COL25A1: variants seen among roughly 807,000 people sequenced by gnomAD.
COL25A1 encodes collagen alpha-1(XXV) chain.
A neutral mutation model predicts 128.4 loss-of-function variants in COL25A1; 103 were observed. The ratio of observed to expected loss-of-function variants is 0.80; its 90% CI spans 0.68 to 0.94. COL25A1 has a LOEUF of 0.94. COL25A1 is among the 40% of genes least tolerant of loss of function. The pLI, the probability that COL25A1 is intolerant of heterozygous loss-of-function variation, is 0.00. For synonymous variants in COL25A1, 279 were observed against 277.2 expected (o/e 1.01, Z -0.06); for missense variants, 745 against 840.0 (o/e 0.89, Z 1.40).
intron 37 of COL25A1, 96 bp from the exon 38 acceptor site, chr4:108,814,025 C>A: frequency 1.0e-6 from 1 of 963,396 alleles, no homozygotes; most frequent in Non-Finnish European, 1.6e-6. Flanking sequence ...CTGGTAGAAC[C>A]TTGAATAGAG....
chr4:109,064,680 C>T (rs1476459483), intron 3 of COL25A1, among the ~76,000 whole-genome samples: 1 of 152,194 alleles, frequency 6.6e-6, no homozygotes, highest in African/African-American at 2.4e-5. Context: ...TTAAGTTCTA[C>T]AGAATATTAG....
chr4:109,152,661 C>A (rs909754612), intron 3 of COL25A1, among the ~76,000 whole-genome samples: 1 of 152,148 alleles, frequency 6.6e-6, no homozygotes, highest in Non-Finnish European at 1.5e-5. Flanking sequence ...GTGGTATATA[C>A]GTACAATGGA....
chr4:108,882,914 T>C (rs1333865429), intron 19 of COL25A1, among the ~76,000 whole-genome samples: 2 of 152,206 alleles, frequency 1.3e-5, no homozygotes, highest in East Asian at 3.9e-4. Flanking sequence ...ACATATTATA[T>C]GACCTCTGAG....
intron 3 of COL25A1, among the ~76,000 whole-genome samples, chr4:109,248,959 A>ATAAG (rs1472486997): frequency 2.0e-5 from 3 of 152,214 alleles, no homozygotes; most frequent in Non-Finnish European, 4.4e-5. Context: ...AATTAACTCC[A>ATAAG]TGGTTCATGG....
At chr4:108,975,950 G>A (rs1249869091) in intron 6 of COL25A1, among the ~76,000 whole-genome samples, 1 of 152,008 alleles carries the variant, frequency 6.6e-6, no homozygotes, top group Non-Finnish European at 1.5e-5. Context: ...TTTTGAATGA[G>A]TCTTTTGTCA....
intron 5 of COL25A1, among the ~76,000 whole-genome samples, chr4:109,024,172 T>C (rs573521709): frequency 6.6e-6 from 1 of 152,238 alleles, no homozygotes; most frequent in Non-Finnish European, 1.5e-5. Flanking sequence ...TAAAGTAAGC[T>C]AGGCTAAGCT....
intron 6 of COL25A1, among the ~76,000 whole-genome samples, chr4:108,992,011 G>A (rs866385631): frequency 1.3e-5 from 2 of 152,084 alleles, no homozygotes; most frequent in African/African-American, 2.4e-5. Context: ...GAAAGATTTG[G>A]GGGAAAAGGC....
chr4:109,194,435 C>G (rs538348626), intron 3 of COL25A1, among the ~76,000 whole-genome samples: 7 of 152,236 alleles, frequency 4.6e-5, no homozygotes. Flanking sequence ...ATAAAATTCA[C>G]TAATTCATTG....
chr4:109,025,698 T>G (rs1434526596), intron 5 of COL25A1, among the ~76,000 whole-genome samples: 1 of 152,170 alleles, frequency 6.6e-6, no homozygotes, highest in Non-Finnish European at 1.5e-5. Flanking sequence ...CTGACAAGCT[T>G]ATGTTCTTGA....
intron 3 of COL25A1, among the ~76,000 whole-genome samples, chr4:109,166,662 T>C (rs1773101511): frequency 6.6e-6 from 1 of 152,222 alleles, no homozygotes; most frequent in Non-Finnish European, 1.5e-5. Context: ...CAACAACGTA[T>C]ATTTACAATG....
chr4:108,976,932 G>A (rs987309183), intron 6 of COL25A1, among the ~76,000 whole-genome samples: 2 of 152,064 alleles, frequency 1.3e-5, no homozygotes, highest in Admixed American at 6.5e-5. Flanking sequence ...ACAATCCAAC[G>A]AGATAAGTAT....
At chr4:108,996,464 T>C (rs1482569303) in intron 6 of COL25A1, among the ~76,000 whole-genome samples, 1 of 152,034 alleles carries the variant, frequency 6.6e-6, no homozygotes, top group African/African-American at 2.4e-5. Context: ...GCACCCAGAT[T>C]CATAAAGCAC....
Position 108,813,662 on chromosome 4 carries a change from C to T in COL25A1, c.*265G>A, listed in dbSNP as rs565537495. 1 of 384,924 alleles carries T rather than the reference C, an allele frequency of 2.6e-6. No homozygotes were observed. Among genetic ancestry groups the T allele is most frequent in the South Asian group, 6.0e-5 (1 of 16,670 alleles). The allele number at this position is 384,924 out of a possible 1,614,324, so 23.8% of individuals were successfully genotyped here. On this transcript the variant is annotated 3_prime_UTR_variant, in exon 38 of 38. Transcript: ENST00000399132. Reference sequence around the variant, plus strand: ...TAGTACAATCAATCATTCTCTACCACTGATTTGTCCATATAAATACGTATC... The same window carrying T: ...TAGTACAATCAATCATTCTCTACCATTGATTTGTCCATATAAATACGTATC...
rs559433013 is a variant in COL25A1 at position 108,814,253 on chromosome 4, G to A, written c.1963-324C>T. Among the ~76,000 whole-genome samples the A allele has an allele frequency of 3.9e-5, 6 of 152,234 alleles. No individual in the cohort carries two copies. In the East Asian group the frequency reaches 1.2e-3, roughly 29 times the overall value. ...TTCTGGGAAAGCAGAAAATTAGGAT[G>A]TTTATCACATATGTACCATAATTAA... On this transcript the variant is annotated intron_variant, in intron 37 of 37. Coordinates refer to ENST00000399132, the MANE Select transcript of COL25A1 (RefSeq NM_198721.4).
intron 3 of COL25A1, among the ~76,000 whole-genome samples, chr4:109,211,274 C>CTATATATATATATA (rs1247369007): frequency 3.0e-3 from 48 of 15,950 alleles, no homozygotes; most frequent in Middle Eastern, 0.056. Flanking sequence ...ATATATGAAA[C>CTATATATATATATA]TATATATATA....
At chr4:108,982,198 A>C (rs957422593) in intron 6 of COL25A1, among the ~76,000 whole-genome samples, 11 of 152,270 alleles carry the variant, frequency 7.2e-5, no homozygotes, top group Admixed American at 2.6e-4. Context: ...TGTCTCAAAA[A>C]ACACACACAC....
In COL25A1 at chr4:108,860,922, C is replaced by T; in HGVS notation, c.1242+5G>A. 1.2e-6 allele frequency: 2 copies of T among 1,613,504 alleles called. No homozygotes were observed. The highest frequency in any genetic ancestry group is 1.7e-6 in the Non-Finnish European group (2 of 1,179,536). ...AAAGTTTAGATGGATGAGAGGAACA[C>T]TCACCCTTGGTCCCTGAGCTCCAGA... On this transcript the variant is annotated splice_donor_5th_base_variant and intron_variant, in intron 23 of 37. Transcript: ENST00000399132.
chr4:109,153,754 TGAG>T (rs2126106470), intron 3 of COL25A1, among the ~76,000 whole-genome samples: 1 of 152,368 alleles, frequency 6.6e-6, no homozygotes, highest in South Asian at 2.1e-4. Context: ...AACATGGTTA[TGAG>T]TTCTAGGGAA....
intron 3 of COL25A1, among the ~76,000 whole-genome samples, chr4:109,207,104 C>A (rs1777066609): frequency 6.6e-6 from 1 of 152,178 alleles, no homozygotes; most frequent in Non-Finnish European, 1.5e-5. Flanking sequence ...TTTAATGACT[C>A]TGGCTAACTT....
Sources: gnomAD v4.1 joint callset for allele counts (sites outside exome capture counted in the v4.1 genomes callset) on GRCh38, gnomAD v4.1.1 for gene constraint, MANE v1.5 for transcripts, NCBI Gene and HGNC (gene_info 2026-07-23, HGNC 2026-07-21) for gene names.